Variants in ALDH9A1 observed in about 807,000 individuals in gnomAD.
ALDH9A1 encodes the protein 4-trimethylaminobutyraldehyde dehydrogenase.
Under a neutral mutation model 56.6 loss-of-function variants are expected in ALDH9A1, and 42 were observed. The ratio of observed to expected loss-of-function variants is 0.74; its 90% CI spans 0.58 to 0.96. The LOEUF (loss-of-function observed/expected upper bound fraction) is 0.96. Ranked by LOEUF, ALDH9A1 falls within the 40% of genes least tolerant of loss-of-function variation. The pLI is 0.00. For missense variants in ALDH9A1, 661 were observed against 651.5 expected (o/e 1.01, Z -0.16); for synonymous variants, 242 against 236.0 (o/e 1.03, Z -0.23).
chr1:165,682,331 C>G lies in ALDH9A1; in HGVS notation c.458-90G>C, dbSNP rs76986198. 3.4e-3 allele frequency: 4,754 copies of G among 1,392,084 alleles called. 126 individuals carry two copies. The African/African-American group carries it at 0.059, about 17-fold the overall frequency. 86.2% of individuals were successfully genotyped at this position (1,392,084 alleles called of 1,614,324 possible). On this transcript the variant is annotated intron_variant, in intron 3 of 10. Transcript: ENST00000354775. ...GTACCAGTCTGACTTGTACTCCAGT[C>G]AACGCAGCCTCCCCACTTCTCCCAA...
chr1:165,689,133 T>G (rs2101754059), intron 2 of ALDH9A1, among the ~76,000 whole-genome samples: 2 of 152,288 alleles, frequency 1.3e-5, no homozygotes, highest in South Asian at 4.1e-4. Context: ...AATAATAAAT[T>G]ATCTGCTTTG....
rs567650900 is a variant in ALDH9A1, at chr1:165,672,648, T to C, written c.931-3198A>G. On this transcript the variant is annotated intron_variant, in intron 6 of 10. Coordinates refer to ENST00000354775, the MANE Select transcript of ALDH9A1 (RefSeq NM_000696.4). ...ACTGAACTCTACACTTAAAAATGGT[T>C]CAAAAAGGCCAGGTGTGGTGGCTCA... Among the ~76,000 whole-genome samples, 4 of 152,128 alleles carry C rather than the reference T, an allele frequency of 2.6e-5. No individual in the cohort carries two copies. In the South Asian group the frequency reaches 8.3e-4, roughly 32 times the overall value.
At chr1:165,687,865 G>A (rs975751958) in intron 2 of ALDH9A1, among the ~76,000 whole-genome samples, 2 of 152,030 alleles carry the variant, frequency 1.3e-5, no homozygotes, top group Non-Finnish European at 2.9e-5. Flanking sequence ...GCACACATTT[G>A]TAATCCCAGC....
At chr1:165,693,518 C>T (rs1649961861) in intron 2 of ALDH9A1, among the ~76,000 whole-genome samples, 3 of 152,298 alleles carry the variant, frequency 2.0e-5, no homozygotes, top group South Asian at 4.1e-4. Context: ...CAATGAGATA[C>T]CATCTCACAC....
chr1:165,697,488 C>T (rs1022692897), intron 1 of ALDH9A1, among the ~76,000 whole-genome samples: 9 of 152,162 alleles, frequency 5.9e-5, no homozygotes, highest in Non-Finnish European at 1.0e-4. Context: ...TTCAATAAAG[C>T]TGGGGAAGAA....
intron 1 of ALDH9A1, among the ~76,000 whole-genome samples, chr1:165,697,164 C>T (rs1165837034): frequency 6.6e-6 from 1 of 152,198 alleles, no homozygotes; most frequent in Non-Finnish European, 1.5e-5. Context: ...TTCAGAGTTC[C>T]CAGAGTAAAT....
In ALDH9A1 at chr1:165,662,781, C is replaced by A. The variant is rs972491946; in HGVS notation, c.*269G>T. ...TTATCCTAGTCTCTTTTCCTGTTCT[C>A]TAGAAGTATGTTACTGGCTCTTAAA... On this transcript the variant is annotated 3_prime_UTR_variant, in exon 11 of 11. Coordinates refer to ENST00000354775, the MANE Select transcript of ALDH9A1 (RefSeq NM_000696.4). The A allele has an allele frequency of 2.6e-5, 11 of 420,214 alleles. No homozygotes were observed. The Admixed American group carries it at 3.1e-4, about 12-fold the overall frequency. The allele number at this position is 420,214 out of a possible 1,614,324, so 26.0% of individuals were successfully genotyped here.
chr1:165,682,850 C>G, intron 3 of ALDH9A1, 131 bp downstream of exon 3: 1 of 1,013,692 alleles, frequency 9.9e-7, no homozygotes, highest in Non-Finnish European at 1.4e-6. Context: ...CCCAGGCCAC[C>G]CAGGTAGAAA....
intron 1 of ALDH9A1, 73 bp from the exon 2 acceptor site, chr1:165,695,470 A>G (rs1650044544): frequency 2.1e-6 from 2 of 956,568 alleles, no homozygotes; most frequent in East Asian, 3.9e-5. Context: ...ATCTATCAAT[A>G]TTCTCTTAGT....
rs140771365 is a variant in ALDH9A1, at chr1:165,663,240, G to A, written c.1463-96C>T. 7.4e-5 allele frequency: 74 copies of A among 999,946 alleles called. No homozygotes were observed. In the African/African-American group the frequency reaches 1.1e-3, roughly 15 times the overall value. The allele number at this position is 999,946 out of a possible 1,614,324, so 61.9% of individuals were successfully genotyped here. A position where few individuals can be genotyped will look rare whatever the true frequency, so the allele number is the denominator to read the frequency against. ...GATGAGCACTGCTAATCAGGGCTAG[G>A]GAAGAATATAGAACCTAAATGTTTT... On this transcript the variant is annotated intron_variant, in intron 10 of 10. Coordinates refer to ENST00000354775, the MANE Select transcript of ALDH9A1 (RefSeq NM_000696.4).
chr1:165,695,488 T>TTA, intron 1 of ALDH9A1, 91 bp from the exon 2 acceptor site: 2 of 182,318 alleles, frequency 1.1e-5, no homozygotes, highest in Non-Finnish European at 1.7e-5. Flanking sequence ...AGTAGTAGTC[T>TTA]TTTTTTTTTT....
chr1:165,684,609 T>C (rs1445718738), intron 2 of ALDH9A1, among the ~76,000 whole-genome samples: 1 of 152,168 alleles, frequency 6.6e-6, no homozygotes, highest in African/African-American at 2.4e-5. Flanking sequence ...ATAAGTAGCT[T>C]AAATTTTGTT....
intron 6 of ALDH9A1, chr1:165,671,688 A>C (rs2050619): frequency 2.2e-6 from 1 of 456,850 alleles, no homozygotes; most frequent in Non-Finnish European, 4.2e-6. Context: ...CTCTCTCCCA[A>C]CTGGAAATAT....
chr1:165,691,166 G>A (rs771737875), intron 2 of ALDH9A1, among the ~76,000 whole-genome samples: 1 of 152,194 alleles, frequency 6.6e-6, no homozygotes, highest in Non-Finnish European at 1.5e-5. Context: ...AAAGCTTCTA[G>A]AGGAAGGATC....
chr1:165,673,012 C>T (rs1649230613), intron 6 of ALDH9A1, among the ~76,000 whole-genome samples: 1 of 146,362 alleles, frequency 6.8e-6, no homozygotes, highest in Admixed American at 6.8e-5. Flanking sequence ...CACACACACA[C>T]ACGGTTAAAT....
chr1:165,692,788 G>A lies in ALDH9A1; in HGVS notation c.327+2464C>T, dbSNP rs1406848386. On this transcript the variant is annotated intron_variant, in intron 2 of 10. Transcript: ENST00000354775. ...CCTAAGCCAAAAGAACACAGCTGGA[G>A]GCATCATGCTACCTGACTTCAAACT... Among the ~76,000 whole-genome samples the A allele has an allele frequency of 6.6e-5, 10 of 151,900 alleles. No homozygotes were observed. In the South Asian group the frequency reaches 2.1e-3, roughly 32 times the overall value.
chr1:165,691,193 T>C (rs1230223747), intron 2 of ALDH9A1, among the ~76,000 whole-genome samples: 2 of 152,236 alleles, frequency 1.3e-5, no homozygotes, highest in Non-Finnish European at 2.9e-5. Flanking sequence ...CAACATTTGC[T>C]GTTCTGCAAT....
intron 6 of ALDH9A1, among the ~76,000 whole-genome samples, chr1:165,677,385 AT>A (rs1432117969): frequency 6.6e-6 from 1 of 152,080 alleles, no homozygotes; most frequent in Non-Finnish European, 1.5e-5. Context: ...CAGATAAACA[AT>A]AATGGAACCA....
chr1:165,669,627 T>C (rs181157963), intron 6 of ALDH9A1, among the ~76,000 whole-genome samples, 177 bp from the exon 7 acceptor site: 65 of 152,312 alleles, frequency 4.3e-4, no homozygotes, highest in African/African-American at 1.5e-3. Context: ...ACACACGTAA[T>C]TGTGGACATA....
Sources: allele counts gnomAD v4.1 joint callset (sites outside exome capture counted in the v4.1 genomes callset), GRCh38; gene constraint gnomAD v4.1.1; transcripts MANE v1.5; gene names NCBI Gene and HGNC (gene_info 2026-07-23, HGNC 2026-07-21).